The following PCSK2 variants were observed in gnomAD, a reference collection of about 807,000 sequenced individuals.
PCSK2 encodes neuroendocrine convertase 2.
In PCSK2, 14 loss-of-function variants were observed where a neutral mutation model predicts 69.7. The observed-to-expected ratio is 0.20, with a 90% confidence interval of 0.13 to 0.31. The LOEUF (loss-of-function observed/expected upper bound fraction) is 0.31, where lower values mean the gene tolerates loss of function less well. PCSK2 is among the 10% of genes least tolerant of loss of function. The pLI is 1.00. For missense variants in PCSK2, 544 were observed against 842.5 expected (o/e 0.65, Z 4.39); for synonymous variants, 307 against 320.7 (o/e 0.96, Z 0.46).
chr20:17,386,003 C>T (rs117656813), intron 5 of PCSK2, among the ~76,000 whole-genome samples: 12 of 152,264 alleles, frequency 7.9e-5, no homozygotes, highest in Non-Finnish European at 1.5e-4. Context: ...AAAATGCTGA[C>T]AGATGGAAGT....
At chr20:17,292,602 C>T (rs1988735341) in intron 2 of PCSK2, among the ~76,000 whole-genome samples, 2 of 152,026 alleles carry the variant, frequency 1.3e-5, no homozygotes, top group South Asian at 4.1e-4. Flanking sequence ...TTCCATTAAG[C>T]TTATTGATTA....
At chr20:17,459,932 G>C (rs2032985505) in intron 10 of PCSK2, among the ~76,000 whole-genome samples, 1 of 152,124 alleles carries the variant, frequency 6.6e-6, no homozygotes, top group Non-Finnish European at 1.5e-5. Flanking sequence ...ATTAGGTGTT[G>C]GTATTCAGTC....
At position 17,327,964 on chromosome 20, in the gene PCSK2, G is replaced by A. The variant is rs746250082; in HGVS notation, c.283-30363G>A. 2.6e-5 allele frequency among the ~76,000 whole-genome samples: 4 copies of A among 152,252 alleles called. 1 individual carries two copies. The South Asian group carries it at 6.2e-4, about 24-fold the overall frequency. ...TACACGCACGCGATGCCCATGTTGA[G>A]AAGAAATTTGCTAAGCGGCTGTGTT... On this transcript the variant is annotated intron_variant, in intron 2 of 11. Transcript: ENST00000262545.
At chr20:17,326,895 C>T (rs985466819) in intron 2 of PCSK2, among the ~76,000 whole-genome samples, 1 of 152,204 alleles carries the variant, frequency 6.6e-6, no homozygotes, top group African/African-American at 2.4e-5. Context: ...AGGCCAGCTG[C>T]CTGGGATGTG....
chr20:17,303,541 TAATA>T (rs1989221031), intron 2 of PCSK2, among the ~76,000 whole-genome samples: 1 of 38,526 alleles, frequency 2.6e-5, no homozygotes, highest in Non-Finnish European at 4.8e-5. Flanking sequence ...ATATTATATA[TAATA>T]TGATATAATA....
chr20:17,339,252 T>G (rs1464680749), intron 2 of PCSK2, among the ~76,000 whole-genome samples: 1 of 152,212 alleles, frequency 6.6e-6, no homozygotes, highest in Admixed American at 6.5e-5. Flanking sequence ...GAGCATGTTT[T>G]GAAGTGGAGG....
chr20:17,287,174 A>G (rs1052674327), intron 2 of PCSK2, among the ~76,000 whole-genome samples: 4 of 152,152 alleles, frequency 2.6e-5, no homozygotes, highest in Admixed American at 2.0e-4. Context: ...AAATACCTTC[A>G]CAGCAACATC....
intron 2 of PCSK2, among the ~76,000 whole-genome samples, chr20:17,279,658 A>G (rs1206288270): frequency 6.6e-6 from 1 of 152,022 alleles, no homozygotes; most frequent in Non-Finnish European, 1.5e-5. Context: ...ATAGTGGTGC[A>G]TGCCTGTAAT....
intron 1 of PCSK2, among the ~76,000 whole-genome samples, chr20:17,242,430 T>A (rs748900640): frequency 1.1e-4 from 16 of 152,244 alleles, no homozygotes; most frequent in Non-Finnish European, 1.5e-4. Context: ...AAGGGGTTGA[T>A]TCTACAGACA....
intron 2 of PCSK2, among the ~76,000 whole-genome samples, chr20:17,268,033 G>GTGTATATATATA (rs1555783164): frequency 6.0e-5 from 4 of 66,340 alleles, no homozygotes; most frequent in South Asian, 4.1e-4. Flanking sequence ...TATCCAATGT[G>GTGTATATATATA]TATATATATA....
intron 2 of PCSK2, among the ~76,000 whole-genome samples, chr20:17,306,801 T>C (rs1456148172): frequency 6.6e-6 from 1 of 152,226 alleles, no homozygotes; most frequent in Non-Finnish European, 1.5e-5. Context: ...TCGGCCTTGG[T>C]AACTTTCCTG....
intron 2 of PCSK2, among the ~76,000 whole-genome samples, chr20:17,321,962 T>C (rs1239549279): frequency 6.6e-6 from 1 of 152,132 alleles, no homozygotes; most frequent in South Asian, 2.1e-4. Context: ...TCTCTTGTGA[T>C]GTACCTCTCT....
intron 11 of PCSK2, among the ~76,000 whole-genome samples, chr20:17,479,700 G>A (rs528587691): frequency 6.6e-6 from 1 of 151,378 alleles, no homozygotes; most frequent in African/African-American, 2.4e-5. Flanking sequence ...TCGAGAGGCT[G>A]AGGCAGGAAT....
chr20:17,265,110 C>A (rs1029209398), intron 2 of PCSK2, among the ~76,000 whole-genome samples: 1 of 152,114 alleles, frequency 6.6e-6, no homozygotes, highest in Non-Finnish European at 1.5e-5. Flanking sequence ...GTGATCCACC[C>A]GCCTTGGCCT....
Position 17,483,369 on chromosome 20 carries a change from C to T in PCSK2, c.*1299C>T, listed in dbSNP as rs1042966387. 5.3e-5 allele frequency: 8 copies of T among 152,208 alleles called. No individual in the cohort carries two copies. The highest frequency in any genetic ancestry group is 1.9e-4 in the African/African-American group (8 of 41,444). The allele number at this position is 152,208 out of a possible 1,614,324, so 9.4% of individuals were successfully genotyped here. ...CTAAGCAGTCCCTGAGACCATTTAACATGCAACCCGAAGGTTATGGTCAAT... is the reference window on the plus strand; with the variant it reads ...CTAAGCAGTCCCTGAGACCATTTAATATGCAACCCGAAGGTTATGGTCAAT... On this transcript the variant is annotated 3_prime_UTR_variant, in exon 12 of 12. Transcript: ENST00000262545.
At chr20:17,397,799 G>C (rs994601014) in intron 5 of PCSK2, among the ~76,000 whole-genome samples, 1 of 152,140 alleles carries the variant, frequency 6.6e-6, no homozygotes, top group Non-Finnish European at 1.5e-5. Flanking sequence ...ATTATGCTTA[G>C]TAGTCACACA....
chr20:17,245,151 G>A (rs1986724772), intron 1 of PCSK2, among the ~76,000 whole-genome samples: 2 of 152,136 alleles, frequency 1.3e-5, no homozygotes, highest in Admixed American at 1.3e-4. Context: ...CACCCTCAGA[G>A]TCTCTGCAAA....
chr20:17,269,063 T>C (rs889126211), intron 2 of PCSK2, among the ~76,000 whole-genome samples: 3 of 152,146 alleles, frequency 2.0e-5, no homozygotes, highest in African/African-American at 7.2e-5. Flanking sequence ...AGCAGGTTGA[T>C]GGGGAGTGGT....
chr20:17,345,548 G>A (rs1419249071), intron 2 of PCSK2, among the ~76,000 whole-genome samples: 1 of 152,128 alleles, frequency 6.6e-6, no homozygotes, highest in African/African-American at 2.4e-5. Flanking sequence ...ATAAACAAAT[G>A]GGCATAGCTA....
Sources: gnomAD v4.1 joint callset for allele counts (sites outside exome capture counted in the v4.1 genomes callset) on GRCh38, gnomAD v4.1.1 for gene constraint, MANE v1.5 for transcripts, NCBI Gene and HGNC (gene_info 2026-07-23, HGNC 2026-07-21) for gene names.